Variants in ADAM23 observed in about 807,000 individuals in gnomAD.
ADAM23 encodes the protein ADAM metallopeptidase domain 23.
A neutral mutation model predicts 120.1 loss-of-function variants in ADAM23; 33 were observed. The observed-to-expected ratio is 0.27, with a 90% CI of 0.21 to 0.37. The LOEUF (loss-of-function observed/expected upper bound fraction) is 0.37. ADAM23 is among the 10% of genes least tolerant of loss of function. The pLI is 1.00. For synonymous variants in ADAM23, 367 were observed against 375.2 expected (o/e 0.98, Z 0.25); for missense variants, 862 against 1,058.2 (o/e 0.81, Z 2.57).
At chr2:206,454,594 T>C (rs189772503) in intron 2 of ADAM23, among the ~76,000 whole-genome samples, 1 of 152,106 alleles carries the variant, frequency 6.6e-6, no homozygotes. Flanking sequence ...AAGTCCAGAG[T>C]CTCATCTGAG....
chr2:206,510,378 C>T lies in ADAM23; in HGVS notation c.510-20507C>T, dbSNP rs908888438. On this transcript the variant is annotated intron_variant, in intron 3 of 25. Coordinates refer to ENST00000264377, the MANE Select transcript of ADAM23 (RefSeq NM_003812.4). ...TGGAGTCGTTTAAAAAGAAATGCCT[C>T]AGATTGTATATTTAAGAAGAGAAGA... 4.6e-5 allele frequency among the ~76,000 whole-genome samples: 7 copies of T among 152,298 alleles called. No individual in the cohort carries two copies. The Middle Eastern group carries it at 0.02, about 444-fold the overall frequency.
intron 10 of ADAM23, 86 bp from the exon 11 acceptor site, chr2:206,559,869 C>T: frequency 8.1e-7 from 1 of 1,232,082 alleles, no homozygotes. Context: ...CTCCCCCTTC[C>T]TGTCCTTCCA....
chr2:206,473,722 C>T (rs1307314070), intron 2 of ADAM23, among the ~76,000 whole-genome samples: 2 of 151,620 alleles, frequency 1.3e-5, no homozygotes, highest in Non-Finnish European at 2.9e-5. Flanking sequence ...AGTGTTAATT[C>T]TCGGCCAGGC....
intron 2 of ADAM23, among the ~76,000 whole-genome samples, chr2:206,461,205 GC>G (rs1305994571): frequency 6.6e-6 from 1 of 151,592 alleles, no homozygotes; most frequent in Non-Finnish European, 1.5e-5. Context: ...GGGATGACAG[GC>G]CCCCACCACC....
chr2:206,489,109 C>T (rs779046313), intron 3 of ADAM23, among the ~76,000 whole-genome samples: 1 of 152,146 alleles, frequency 6.6e-6, no homozygotes, highest in Non-Finnish European at 1.5e-5. Context: ...CCTCATTTTT[C>T]TCTTGTGGTC....
chr2:206,511,935 T>G (rs1273769686), intron 3 of ADAM23, among the ~76,000 whole-genome samples: 1 of 152,214 alleles, frequency 6.6e-6, no homozygotes, highest in Non-Finnish European at 1.5e-5. Flanking sequence ...GTATTTTGAT[T>G]GTTACATATT....
At chr2:206,606,026 C>G (rs1698722696) in intron 24 of ADAM23, 2 of 549,586 alleles carry the variant, frequency 3.6e-6, no homozygotes, top group South Asian at 2.5e-5. Context: ...TGCTTGTGTC[C>G]TGTGGTTTTC....
rs369881012 is a variant in ADAM23, at chr2:206,605,644, T to C, written c.2360-4266T>C. 58 of 635,986 alleles carry C rather than the reference T, an allele frequency of 9.1e-5. No individual in the cohort carries two copies. The African/African-American group carries it at 9.7e-4, about 11-fold the overall frequency. 39.4% of individuals were successfully genotyped at this position (635,986 alleles called of 1,614,324 possible). Reference sequence around the variant, plus strand: ...TATCCTCAAATATCTTCAATGTGTATGTAGATCTTAATTTCAAATCTTATA... The same window carrying C: ...TATCCTCAAATATCTTCAATGTGTACGTAGATCTTAATTTCAAATCTTATA... On this transcript the variant is annotated intron_variant, in intron 24 of 25. Transcript: ENST00000264377.
chr2:206,522,789 T>A (rs1696869616), intron 3 of ADAM23, among the ~76,000 whole-genome samples: 1 of 147,856 alleles, frequency 6.8e-6, no homozygotes, highest in Non-Finnish European at 1.5e-5. Flanking sequence ...TTGGATCCAG[T>A]TTTCCTTGTG....
intron 4 of ADAM23, among the ~76,000 whole-genome samples, chr2:206,540,418 A>G (rs1167540354): frequency 1.3e-5 from 2 of 152,194 alleles, no homozygotes; most frequent in South Asian, 2.1e-4. Context: ...GAGTATGTGC[A>G]GATTTGGGAA....
chr2:206,560,142 G>A (rs1220879348), intron 11 of ADAM23, 24 bp downstream of exon 11: 2 of 1,601,294 alleles, frequency 1.2e-6, no homozygotes, highest in Non-Finnish European at 8.5e-7. Context: ...TCAGCCTTTA[G>A]TGTAGTCTTT....
intron 4 of ADAM23, among the ~76,000 whole-genome samples, chr2:206,540,175 G>A (rs1023437689): frequency 1.3e-5 from 2 of 149,072 alleles, no homozygotes; most frequent in Non-Finnish European, 3.0e-5. Context: ...GAGTGAGACT[G>A]TCTTTAAAAA....
intron 2 of ADAM23, among the ~76,000 whole-genome samples, chr2:206,460,105 CTTT>C (rs34090725): frequency 3.4e-4 from 50 of 146,464 alleles, no homozygotes; most frequent in Middle Eastern, 3.7e-3. Context: ...CTCAGAATGA[CTTT>C]TTTTTTTTTT....
chr2:206,617,596 G>A lies in ADAM23; in HGVS notation c.2468G>A (p.Arg823Lys), dbSNP rs1177614412. ...GWGFKNVKKR[R>K]FDPTQQGPI ...TCTGGAAGAAATGTCAAGAAGAGAA[G>A]GTTCGATCCTACTCAGCAAGGCCCC... Residue 823 changes from arginine (R) to lysine (K), a missense_variant, in exon 26 of 26, where the codon AGG becomes AAG. Physicochemically the swap from Arg to Lys is conservative, Grantham distance 26. Coordinates refer to ENST00000264377, the MANE Select transcript of ADAM23 (RefSeq NM_003812.4). The A allele has an allele frequency of 2.5e-6, 4 of 1,609,836 alleles. No individual in the cohort carries two copies. The highest frequency in any genetic ancestry group is 2.5e-6 in the Non-Finnish European group (3 of 1,177,896).
intron 3 of ADAM23, 32 bp from the exon 4 acceptor site, chr2:206,530,853 G>A: frequency 1.9e-6 from 3 of 1,595,988 alleles, no homozygotes; most frequent in South Asian, 1.1e-5. Context: ...TGTCTTAGAT[G>A]CAGAAATCAC....
intron 18 of ADAM23, 92 bp downstream of exon 18, chr2:206,573,287 T>G (rs2105832841): frequency 3.8e-6 from 5 of 1,299,336 alleles, no homozygotes; most frequent in Middle Eastern, 1.9e-4. Flanking sequence ...GTTTCAGATT[T>G]AAGATTTTTT....
rs764874133 is a variant in ADAM23, at chr2:206,596,113, C to T, written c.2310C>T (p.Ile770=). ...CCTGGGCAGGGACAGATTGCAGTAT[C>T]CGGGATCCAGTTAGGAACCTTCACC... ...DFTWAGTDCS[I]RDPVRNLHPP... The change falls in exon 24 of 26, where the codon ATC becomes ATT. Residue 770 remains isoleucine, a synonymous_variant. Coordinates refer to ENST00000264377, the MANE Select transcript of ADAM23 (RefSeq NM_003812.4). 1.2e-6 allele frequency: 2 copies of T among 1,614,050 alleles called. No homozygotes were observed. The highest frequency in any genetic ancestry group is 1.3e-5 in the African/African-American group (1 of 75,008).
chr2:206,587,427 GT>G (rs3832131), intron 19 of ADAM23, 52 bp downstream of exon 19: 1,077,837 of 1,292,928 alleles, frequency 0.83, 452,376 homozygotes, highest in African/African-American at 0.95. Flanking sequence ...TCATTGGAAA[GT>G]TTTTTTTTCC....
chr2:206,608,698 A>T (rs1199097801), intron 24 of ADAM23, among the ~76,000 whole-genome samples: 1 of 152,088 alleles, frequency 6.6e-6, no homozygotes, highest in East Asian at 1.9e-4. Context: ...ACTGTATTGC[A>T]GCTGTCCTCT....
Sources: allele counts gnomAD v4.1 joint callset (sites outside exome capture counted in the v4.1 genomes callset), GRCh38; gene constraint gnomAD v4.1.1; transcripts MANE v1.5; gene names NCBI Gene and HGNC (gene_info 2026-07-23, HGNC 2026-07-21).